DPP6: variants seen among roughly 807,000 people sequenced by gnomAD.
DPP6 encodes the protein A-type potassium channel modulatory protein DPP6.
DPP6 carries 69 observed loss-of-function variants against 122.6 expected under a neutral mutation model. The ratio of observed to expected loss-of-function variants is 0.56; its 90% CI spans 0.46 to 0.69. DPP6 has a LOEUF of 0.69. Ranked by LOEUF, DPP6 falls within the 30% of genes least tolerant of loss-of-function variation. The probability of loss-of-function intolerance (pLI) is 0.00; values close to 1 mark genes in which losing one functional copy is unlikely to be tolerated. For missense variants in DPP6, 928 were observed against 1,116.9 expected (o/e 0.83, Z 2.41); for synonymous variants, 418 against 433.1 (o/e 0.97, Z 0.43).
chr7:154,243,563 A>G (rs914177344), intron 1 of DPP6, among the ~76,000 whole-genome samples: 1 of 152,182 alleles, frequency 6.6e-6, no homozygotes, highest in African/African-American at 2.4e-5. Context: ...TGGGAGGCCA[A>G]GGTGGGCAGA....
intron 7 of DPP6, among the ~76,000 whole-genome samples, chr7:154,688,226 A>T (rs1839739304): frequency 6.6e-6 from 1 of 152,226 alleles, no homozygotes; most frequent in African/African-American, 2.4e-5. Flanking sequence ...TAAAAACACT[A>T]TTGGGAGATT....
At chr7:154,000,079 G>T (rs2861470) in intron 1 of DPP6, among the ~76,000 whole-genome samples, 3 of 152,130 alleles carry the variant, frequency 2.0e-5, no homozygotes, top group Admixed American at 6.5e-5. Flanking sequence ...TTACAATACC[G>T]TATGTGTTTA....
At chr7:154,515,651 G>A (rs1034793848) in intron 3 of DPP6, among the ~76,000 whole-genome samples, 5 of 152,006 alleles carry the variant, frequency 3.3e-5, no homozygotes, top group African/African-American at 1.2e-4. Flanking sequence ...AATTTTTTGT[G>A]TTTTTGGTAA....
chr7:153,961,313 T>C (rs901303760), intron 1 of DPP6, among the ~76,000 whole-genome samples: 7 of 143,936 alleles, frequency 4.9e-5, no homozygotes, highest in Admixed American at 1.4e-4. Context: ...GAGAAGTTGG[T>C]AGATGGTTCA....
At chr7:154,051,536 C>T (rs372270527), upstream of DPP6, among the ~76,000 whole-genome samples, 26,633 of 143,894 alleles carry the variant, frequency 0.19, 2,635 homozygotes, top group African/African-American at 0.24. Flanking sequence ...CTGGAGCGCG[C>T]CTTCCTGCGG....
At chr7:154,881,832 G>A (rs1391267371) in intron 21 of DPP6, among the ~76,000 whole-genome samples, 1 of 152,154 alleles carries the variant, frequency 6.6e-6, no homozygotes, top group Admixed American at 6.5e-5. Flanking sequence ...GAGGGCCGGC[G>A]GCTTCTCTCC....
chr7:153,899,701 A>G (rs1035790872), intron 1 of DPP6, among the ~76,000 whole-genome samples: 6 of 152,198 alleles, frequency 3.9e-5, no homozygotes, highest in Non-Finnish European at 7.3e-5. Context: ...GTTGTGCTCA[A>G]AGTGTTCAAG....
At chr7:154,493,928 TCTC>T (rs778594407) in intron 3 of DPP6, among the ~76,000 whole-genome samples, 1 of 152,180 alleles carries the variant, frequency 6.6e-6, no homozygotes, top group African/African-American at 2.4e-5. Context: ...TTGCCAGACT[TCTC>T]CTAGGAATTG....
At chr7:153,964,133 T>C (rs1295269849) in intron 1 of DPP6, among the ~76,000 whole-genome samples, 1 of 152,106 alleles carries the variant, frequency 6.6e-6, no homozygotes, top group Non-Finnish European at 1.5e-5. Flanking sequence ...GTAGCTAGGA[T>C]TGCAGACACC....
At chr7:153,990,926 T>A (rs1797146432) in intron 1 of DPP6, among the ~76,000 whole-genome samples, 1 of 152,228 alleles carries the variant, frequency 6.6e-6, no homozygotes, top group African/African-American at 2.4e-5. Context: ...CTCTTCTGGG[T>A]TATTAAACGG....
rs560489110 is a variant in DPP6 at position 153,963,531 on chromosome 7, C to T, written c.51+75797C>T. The stretch of plus-strand genomic sequence containing the variant: ...TTTCCTGTAAAGCAGAAGTCCCCAA[C>T]CCCTGGGCTGTGAATCAATATGTGT... On this transcript the variant is annotated intron_variant, in intron 1 of 25. Coordinates refer to the DPP6 transcript ENST00000404039. 1.3e-5 allele frequency among the ~76,000 whole-genome samples: 2 copies of T among 150,368 alleles called. 1 individual carries two copies. The highest frequency in any genetic ancestry group is 1.3e-4 in the Admixed American group (2 of 15,068).
At chr7:154,064,309 T>C (rs559323975) in intron 1 of DPP6, among the ~76,000 whole-genome samples, 1 of 152,188 alleles carries the variant, frequency 6.6e-6, no homozygotes, top group South Asian at 2.1e-4. Flanking sequence ...CTTCTGTGAG[T>C]CTCCAGCAGG....
chr7:154,572,309 C>T (rs906836048), intron 5 of DPP6, among the ~76,000 whole-genome samples: 1 of 152,102 alleles, frequency 6.6e-6, no homozygotes, highest in Non-Finnish European at 1.5e-5. Context: ...CAACTATATC[C>T]CAGAATCTTC....
At chr7:154,651,469 C>G (rs140851514) in intron 6 of DPP6, among the ~76,000 whole-genome samples, 1 of 152,078 alleles carries the variant, frequency 6.6e-6, no homozygotes, top group South Asian at 2.1e-4. Context: ...TCGATGAGAT[C>G]TCCCCTTCCG....
chr7:154,480,920 C>T (rs1474951462), intron 3 of DPP6, among the ~76,000 whole-genome samples: 1 of 152,192 alleles, frequency 6.6e-6, no homozygotes, highest in Admixed American at 6.5e-5. Context: ...TTTTCTCTAA[C>T]ATCCCACATC....
intron 1 of DPP6, among the ~76,000 whole-genome samples, chr7:153,993,844 A>G (rs1797308133): frequency 6.6e-6 from 1 of 152,140 alleles, no homozygotes; most frequent in Non-Finnish European, 1.5e-5. Context: ...CACCCAGTAC[A>G]TCTCCTGTCT....
intron 1 of DPP6, among the ~76,000 whole-genome samples, chr7:153,955,399 TATA>T (rs902937404): frequency 1.3e-5 from 2 of 152,212 alleles, no homozygotes; most frequent in Non-Finnish European, 2.9e-5. Flanking sequence ...ATTTAATTTT[TATA>T]ATAATACTTG....
intron 1 of DPP6, among the ~76,000 whole-genome samples, chr7:154,321,008 C>A (rs572229203): frequency 6.6e-6 from 1 of 152,290 alleles, no homozygotes; most frequent in Admixed American, 6.5e-5. Context: ...TTAACAGCTT[C>A]TTTGTGCTCT....
chr7:154,418,510 A>C (rs1817210376), intron 1 of DPP6, among the ~76,000 whole-genome samples: 1 of 152,198 alleles, frequency 6.6e-6, no homozygotes, highest in Non-Finnish European at 1.5e-5. Flanking sequence ...AGATGAAAGG[A>C]AATCCCATAA....
Sources: gnomAD v4.1 joint callset for allele counts (sites outside exome capture counted in the v4.1 genomes callset) on GRCh38, gnomAD v4.1.1 for gene constraint, MANE v1.5 for transcripts, NCBI Gene and HGNC (gene_info 2026-07-23, HGNC 2026-07-21) for gene names.